H1-8: variants seen among roughly 807,000 people sequenced by gnomAD.
H1-8 encodes the protein histone H1.8.
A neutral mutation model predicts 19.5 loss-of-function variants in H1-8; 13 were observed. The ratio of observed to expected loss-of-function variants is 0.67; its 90% CI spans 0.43 to 1.06. The LOEUF is 1.06. Among genes scored for constraint, H1-8 ranks in the 50% least tolerant of loss-of-function variants. The pLI is 0.00. For missense variants in H1-8, 432 were observed against 459.8 expected, an observed-to-expected ratio of 0.94 and a Z score of 0.55; for synonymous variants, 193 against 187.6, an observed-to-expected ratio of 1.03 and a Z score of -0.24.
At chr3:129,550,302 T>C (rs1309641511) in intron 3 of H1-8, among the ~76,000 whole-genome samples, 1 of 152,144 alleles carries the variant, frequency 6.6e-6, no homozygotes, top group African/African-American at 2.4e-5. Flanking sequence ...CTTGGGAGGC[T>C]GAGGCAGGAG....
In H1-8 at chr3:129,547,557, C is replaced by G; in HGVS notation, c.255C>G (p.Tyr85Ter). 6.3e-7 allele frequency: 1 copy of G among 1,575,766 alleles called. No individual in the cohort carries two copies. Among genetic ancestry groups the G allele is most frequent in the Non-Finnish European group, 8.6e-7 (1 of 1,160,706 alleles). The change falls in exon 2 of 5, where the codon TAC (tyrosine) becomes TAG (stop). Residue 85 changes from tyrosine (Y) to a stop codon, truncating the protein, a stop_gained. Transcript: ENST00000324382. LOFTEE classifies it high-confidence loss of function. ...TCAAGCTCTACATCCTGCACAAGTA[C>G]CCAACAGTGGACGTCCTCCGCTTCA... ...AAIKLYILHK[Y>*]PTVDVLRFKY...
Position 129,551,147 on chromosome 3 carries a change from T to TGGCCAA in H1-8, c.859_864dup (p.Lys287_Ala288dup), listed in dbSNP as rs777868387. 1.2e-6 allele frequency: 2 copies of TGGCCAA among 1,614,134 alleles called. No individual in the cohort carries two copies. The highest frequency in any genetic ancestry group is 4.5e-5 in the East Asian group (2 of 44,884). ...GCTTCCCCGACCAAAAAGAAGGTGGTGGCCAAGGCCAAGGCCCCTAAAGCT... is the reference window on the plus strand; with the variant it reads ...GCTTCCCCGACCAAAAAGAAGGTGGTGGCCAAGGCCAAGGCCAAGGCCCCTAAAGCT... On this transcript the variant is annotated inframe_insertion, in exon 5 of 5. Transcript: ENST00000324382.
chr3:129,547,658 G>A lies in H1-8; in HGVS notation c.356G>A (p.Arg119Lys). Residue 119 changes from arginine to lysine, a missense_variant, in exon 2 of 5, where the codon AGG becomes AAG. Coordinates refer to ENST00000324382, the MANE Select transcript of H1-8 (RefSeq NM_153833.3). Reference sequence around the variant, plus strand: ...GCCAGGCCCCTCAACTCCAAAGCCAGGGGGGCCACTGGCAGCTTCAAAGTA... The same window carrying A: ...GCCAGGCCCCTCAACTCCAAAGCCAAGGGGGCCACTGGCAGCTTCAAAGTA... ...LLARPLNSKA[R>K]GATGSFKLVP... The A allele has an allele frequency of 6.5e-7, 1 of 1,544,146 alleles. No individual in the cohort carries two copies. The highest frequency in any genetic ancestry group is 8.7e-7 in the Non-Finnish European group (1 of 1,146,556).
chr3:129,551,179 G>A lies in H1-8; in HGVS notation c.880G>A (p.Gly294Arg), dbSNP rs1473661338. The change falls in exon 5 of 5, where the codon GGG (glycine) becomes AGG (arginine). Residue 294 changes from glycine (G) to arginine (R), a missense_variant. Gly to Arg is a moderately radical substitution (Grantham distance 125, BLOSUM62 -2). Transcript: ENST00000324382. ...AKAKAPKAGQ[G>R]PNTKAAAPAK... ...GGCCAAGGCCCCTAAAGCTGGGCAG[G>A]GGCCAAACACCAAGGCTGCTGCTCC... 1.2e-6 allele frequency: 2 copies of A among 1,614,232 alleles called. No individual in the cohort carries two copies. Among genetic ancestry groups the A allele is most frequent in the South Asian group, 2.2e-5 (2 of 91,086 alleles).
intron 1 of H1-8, among the ~76,000 whole-genome samples, chr3:129,545,034 C>G (rs1346293333): frequency 6.9e-6 from 1 of 145,360 alleles, no homozygotes; most frequent in African/African-American, 2.5e-5. Context: ...TTTTTTTTTT[C>G]TATTGAAAAA....
chr3:129,551,175 G>A lies in H1-8; in HGVS notation c.876G>A (p.Gly292=), dbSNP rs2084929815. 6.2e-6 allele frequency: 10 copies of A among 1,614,250 alleles called. No individual in the cohort carries two copies. The highest frequency in any genetic ancestry group is 7.6e-6 in the Non-Finnish European group (9 of 1,180,044). The change falls in exon 5 of 5, where the codon GGG becomes GGA. Residue 292 remains glycine (G), a synonymous_variant. Coordinates refer to ENST00000324382, the MANE Select transcript of H1-8 (RefSeq NM_153833.3). ...CCAAGGCCAAGGCCCCTAAAGCTGG[G>A]CAGGGGCCAAACACCAAGGCTGCTG... ...VVAKAKAPKA[G]QGPNTKAAAP...
rs755462598 is a variant in H1-8 at position 129,543,194 on chromosome 3, T to A, written c.-25T>A. ...AGCAGCCTCACACCCGGGTGAGGGG[T>A]CTGCTGGCTGCACCTGTCGGTCTCA... On this transcript the variant is annotated 5_prime_UTR_variant, in exon 1 of 5. Coordinates refer to ENST00000324382, the MANE Select transcript of H1-8 (RefSeq NM_153833.3). 76 of 1,586,458 alleles carry A rather than the reference T, an allele frequency of 4.8e-5. 1 individual carries two copies. The Admixed American group carries it at 1.3e-3, about 26-fold the overall frequency.
Position 129,547,439 on chromosome 3 carries a change from TCCCGGTGGGACGCCGCCACCC to T in H1-8, c.145_165del (p.Gly49_Val55del), listed in dbSNP as rs1468690437. 3.0e-6 allele frequency: 4 copies of T among 1,320,798 alleles called. No homozygotes were observed. Among genetic ancestry groups the T allele is most frequent in the African/African-American group, 3.1e-5 (2 of 65,072 alleles). The allele number at this position is 1,320,798 out of a possible 1,614,324, so 81.8% of individuals were successfully genotyped here. A position where few individuals can be genotyped will look rare whatever the true frequency, so the allele number is the denominator to read the frequency against. The stretch of plus-strand genomic sequence containing the variant: ...CCAGGAGGCCCGAGCCACAGCAGCC[TCCCGGTGGGACGCCGCCACCC>T]CCCGGTGCTACGCATGGTGCTGGAG... On this transcript the variant is annotated inframe_deletion, in exon 2 of 5. Transcript: ENST00000324382.
chr3:129,550,317 G>T (rs115566666), intron 3 of H1-8, among the ~76,000 whole-genome samples: 1 of 152,118 alleles, frequency 6.6e-6, no homozygotes, highest in African/African-American at 2.4e-5. Flanking sequence ...CAGGAGGATC[G>T]CTTGAGCCTG....
chr3:129,549,014 A>C lies in H1-8; in HGVS notation c.392A>C (p.His131Pro), dbSNP rs751451555. 1.2e-6 allele frequency: 2 copies of C among 1,607,934 alleles called. No homozygotes were observed. Among genetic ancestry groups the C allele is most frequent in the East Asian group, 4.5e-5 (2 of 44,824 alleles). ...ATGSFKLVPKHKKKIQPRKMA... is the reference protein window; with the variant it reads ...ATGSFKLVPKPKKKIQPRKMA... ...GTCCTTCTCCAGTTAGTTCCCAAGC[A>C]CAAGAAGAAAATCCAGCCCAGGAAG... is the stretch of plus-strand genomic sequence containing the variant. Residue 131 changes from histidine (H) to proline (P), a missense_variant, in exon 3 of 5, where the codon CAC becomes CCC. Coordinates refer to ENST00000324382, the MANE Select transcript of H1-8 (RefSeq NM_153833.3).
intron 2 of H1-8, among the ~76,000 whole-genome samples, chr3:129,548,089 C>A (rs923886452): frequency 2.0e-5 from 3 of 152,140 alleles, no homozygotes; most frequent in African/African-American, 7.2e-5. Context: ...CAAAAGGGGA[C>A]CCATGCCAGG....
At position 129,549,240 on chromosome 3, in the gene H1-8, C is replaced by G; in HGVS notation, c.618C>G (p.Asp206Glu). ...GCAAGCAAGGCGGCGCGGCCAAGGA[C>G]ACCAGGGCACAGTCGGGAGAGGCTA... is the stretch of plus-strand genomic sequence containing the variant. ...KARKQGGAAK[D>E]TRAQSGEARK... Residue 206 changes from aspartate to glutamate, a missense_variant, in exon 3 of 5, where the codon GAC (aspartate) becomes GAG (glutamate). Physicochemically the swap from Asp to Glu is conservative, Grantham distance 45 (BLOSUM62 2). Coordinates refer to ENST00000324382, the MANE Select transcript of H1-8 (RefSeq NM_153833.3). The G allele has an allele frequency of 6.3e-7, 1 of 1,589,562 alleles. No individual in the cohort carries two copies.
In H1-8 at chr3:129,551,226, G is replaced by A; in HGVS notation, c.927G>A (p.Lys309=). Residue 309 remains lysine (K), a synonymous_variant, in exon 5 of 5, where the codon AAG becomes AAA. Transcript: ENST00000324382. ...CTCCTGCTAAGGGCAGTGGGTCCAA[G>A]GTGGTACCTGCACATTTGTCCAGGA... The part of the protein sequence containing the change: ...AAAPAKGSGS[K]VVPAHLSRKT... 1.2e-6 allele frequency: 2 copies of A among 1,614,256 alleles called. No individual in the cohort carries two copies. Among genetic ancestry groups the A allele is most frequent in the Non-Finnish European group, 8.5e-7 (1 of 1,180,046 alleles).
intron 1 of H1-8, among the ~76,000 whole-genome samples, chr3:129,544,786 C>T (rs1475569715): frequency 6.6e-6 from 1 of 151,966 alleles, no homozygotes; most frequent in African/African-American, 2.4e-5. Flanking sequence ...AGCACTGCAG[C>T]TGGGAGGGCT....
chr3:129,548,954 A>G, intron 2 of H1-8, 47 bp from the exon 3 acceptor site: 3 of 1,542,344 alleles, frequency 1.9e-6, no homozygotes, highest in Non-Finnish European at 2.6e-6. Context: ...GGGGGGCGTG[A>G]GGCACCTGAG....
chr3:129,545,084 A>G (rs1434385009), intron 1 of H1-8, among the ~76,000 whole-genome samples: 1 of 147,276 alleles, frequency 6.8e-6, no homozygotes, highest in Non-Finnish European at 1.5e-5. Flanking sequence ...TTTTTGAGAC[A>G]GGGTCTTGCT....
At chr3:129,546,122 C>CAATAATAATAAT (rs56301839) in intron 1 of H1-8, among the ~76,000 whole-genome samples, 65 of 139,224 alleles carry the variant, frequency 4.7e-4, no homozygotes, top group East Asian at 1.0e-3. Flanking sequence ...ATAACAATAA[C>CAATAATAATAAT]AATAATAATA....
At position 129,549,320 on chromosome 3, in the gene H1-8, G is replaced by A. The variant is rs2084916397; in HGVS notation, c.698G>A (p.Gly233Glu). The change falls in exon 3 of 5, where the codon GGG becomes GAG. Residue 233 changes from glycine to glutamate, a missense_variant. Coordinates refer to ENST00000324382, the MANE Select transcript of H1-8 (RefSeq NM_153833.3). ...KAMRAPSSAG[G>E]LSRKAKAKGS... ...ATGCGGGCACCTTCCAGTGCTGGTG[G>A]GCTCAGCAGGAAGGCAAAGGCCAAA... The A allele has an allele frequency of 6.2e-7, 1 of 1,606,886 alleles. No homozygotes were observed. Among genetic ancestry groups the A allele is most frequent in the South Asian group, 1.1e-5 (1 of 89,800 alleles).
At chr3:129,549,430 G>A (rs530993201) in intron 3 of H1-8, 66 bp downstream of exon 3, 239 of 1,500,590 alleles carry the variant, frequency 1.6e-4, no homozygotes, top group East Asian at 3.4e-4. Context: ...GAGCGGGGGC[G>A]GGGAGCCAGC....
Sources: allele counts gnomAD v4.1 joint callset (sites outside exome capture counted in the v4.1 genomes callset), GRCh38; gene constraint gnomAD v4.1.1; transcripts MANE v1.5; gene names NCBI Gene and HGNC (gene_info 2026-07-23, HGNC 2026-07-21).